LHFPL3: variants seen among roughly 807,000 people sequenced by gnomAD.
LHFPL3 encodes LHFPL tetraspan subfamily member 3 protein.
Under a neutral mutation model 19.3 loss-of-function variants are expected in LHFPL3, and 5 were observed. That is an observed-to-expected ratio of 0.26 (90% CI 0.14 to 0.54). The LOEUF (loss-of-function observed/expected upper bound fraction) is 0.54, where lower values mean the gene tolerates loss of function less well. Among genes scored for constraint, LHFPL3 ranks in the 20% least tolerant of loss-of-function variants. The pLI is 0.94. For missense variants in LHFPL3, 249 were observed against 307.4 expected (o/e 0.81, Z 1.42); for synonymous variants, 133 against 126.2 (o/e 1.05, Z -0.36).
At chr7:104,573,286 C>T (rs1319563824) in intron 1 of LHFPL3, among the ~76,000 whole-genome samples, 4 of 151,644 alleles carry the variant, frequency 2.6e-5, no homozygotes, top group Admixed American at 2.6e-4. Flanking sequence ...GTGGCGGGCA[C>T]CTGTAATCCT....
intron 1 of LHFPL3, among the ~76,000 whole-genome samples, chr7:104,680,463 A>C (rs1413700288): frequency 6.6e-6 from 1 of 152,172 alleles, no homozygotes; most frequent in Non-Finnish European, 1.5e-5. Flanking sequence ...TGACATGAGC[A>C]AGTGCTCTGA....
intron 1 of LHFPL3, among the ~76,000 whole-genome samples, chr7:104,391,587 G>A (rs1791069809): frequency 6.6e-6 from 1 of 152,168 alleles, no homozygotes; most frequent in Non-Finnish European, 1.5e-5. Flanking sequence ...GGTTACTGTA[G>A]CCTTGTAGTA....
intron 1 of LHFPL3, among the ~76,000 whole-genome samples, chr7:104,421,291 A>G (rs73712126): frequency 0.11 from 16,205 of 152,232 alleles, 1,017 homozygotes; most frequent in East Asian, 0.26. Context: ...AAAAAAAGAC[A>G]AGGTATAGGC....
rs190534171 is a variant in LHFPL3, at chr7:104,396,927, A to G, written c.445+67703A>G. 1.5e-3 allele frequency among the ~76,000 whole-genome samples: 230 copies of G among 152,288 alleles called. 1 individual carries two copies. In the South Asian group the frequency reaches 0.016, roughly 10 times the overall value. On this transcript the variant is annotated intron_variant, in intron 1 of 2. Transcript: ENST00000424859. The stretch of plus-strand genomic sequence containing the variant: ...TGAGGTTGCAGTGAGCCGAGATCGC[A>G]ACATTGCACTCCAGCCTTGGGCAAC...
intron 2 of LHFPL3, among the ~76,000 whole-genome samples, chr7:104,885,798 A>G (rs35362363): frequency 0.091 from 13,784 of 151,890 alleles, 878 homozygotes; most frequent in Non-Finnish European, 0.13. Context: ...CCACCCTTCA[A>G]TAATGTCCCA....
intron 1 of LHFPL3, among the ~76,000 whole-genome samples, chr7:104,553,184 C>G (rs950654393): frequency 1.3e-5 from 2 of 152,068 alleles, no homozygotes; most frequent in Non-Finnish European, 2.9e-5. Flanking sequence ...TGCAGATCTG[C>G]TTTTATAGAT....
intron 1 of LHFPL3, among the ~76,000 whole-genome samples, chr7:104,351,918 G>A (rs1790181779): frequency 6.6e-6 from 1 of 152,076 alleles, no homozygotes. Context: ...ATACAACTAG[G>A]CCAGGGGCAG....
At chr7:104,465,772 A>G (rs1402013421) in intron 1 of LHFPL3, among the ~76,000 whole-genome samples, 4 of 152,188 alleles carry the variant, frequency 2.6e-5, no homozygotes, top group Non-Finnish European at 5.9e-5. Flanking sequence ...ACAATTCAAG[A>G]TGAGATTTGG....
chr7:104,870,279 G>A (rs1269392992), intron 2 of LHFPL3, among the ~76,000 whole-genome samples: 2 of 152,094 alleles, frequency 1.3e-5, no homozygotes, highest in African/African-American at 4.8e-5. Flanking sequence ...AGACAGCATT[G>A]AATACCAAGA....
At chr7:104,523,171 T>C (rs1206411054) in intron 1 of LHFPL3, among the ~76,000 whole-genome samples, 1 of 152,152 alleles carries the variant, frequency 6.6e-6, no homozygotes, top group Non-Finnish European at 1.5e-5. Flanking sequence ...TGGTCCTGGT[T>C]AATAGCATCT....
At chr7:104,808,708 G>A (rs899136468) in intron 2 of LHFPL3, among the ~76,000 whole-genome samples, 5 of 152,082 alleles carry the variant, frequency 3.3e-5, no homozygotes, top group East Asian at 3.8e-4. Flanking sequence ...TACACACAAC[G>A]CAAGCCAATG....
intron 1 of LHFPL3, among the ~76,000 whole-genome samples, chr7:104,485,833 TC>T (rs1168455873): frequency 6.6e-6 from 1 of 152,186 alleles, no homozygotes; most frequent in African/African-American, 2.4e-5. Flanking sequence ...GTCCATGTGT[TC>T]TTGTTGTTCA....
chr7:104,649,760 G>A (rs1791996398), intron 1 of LHFPL3, among the ~76,000 whole-genome samples: 1 of 152,216 alleles, frequency 6.6e-6, no homozygotes, highest in Non-Finnish European at 1.5e-5. Context: ...AGCAGGAGTA[G>A]GGAAGTATCT....
At position 104,519,667 on chromosome 7, in the gene LHFPL3, T is replaced by TA. The variant is rs1167330855; in HGVS notation, c.445+190449dup. 2.0e-5 allele frequency among the ~76,000 whole-genome samples: 3 copies of TA among 152,134 alleles called. No homozygotes were observed. In the East Asian group the frequency reaches 5.8e-4, roughly 29 times the overall value. ...AACATTTTTATTCTTTTTCCCATTA[T>TA]AAAAAATCTGCTGAACAGGACCAGG... On this transcript the variant is annotated intron_variant, in intron 1 of 2. Transcript: ENST00000424859.
At chr7:104,803,870 C>T (rs138028184) in intron 2 of LHFPL3, 7 of 152,196 alleles carry the variant, frequency 4.6e-5, no homozygotes, top group Non-Finnish European at 2.9e-5. Flanking sequence ...TGGTATTGCA[C>T]TATATCCAAT....
intron 1 of LHFPL3, among the ~76,000 whole-genome samples, chr7:104,374,895 G>C (rs997163738): frequency 6.6e-6 from 1 of 152,218 alleles, no homozygotes; most frequent in African/African-American, 2.4e-5. Context: ...TGAATGTTTA[G>C]TGAAGTAGTA....
At chr7:104,788,376 T>A (rs934411489) in intron 2 of LHFPL3, among the ~76,000 whole-genome samples, 2 of 152,238 alleles carry the variant, frequency 1.3e-5, no homozygotes, top group Non-Finnish European at 2.9e-5. Flanking sequence ...CCTCTCAGAC[T>A]GACTCCTCTG....
chr7:104,589,183 T>C (rs1335422382), intron 1 of LHFPL3, among the ~76,000 whole-genome samples: 1 of 152,160 alleles, frequency 6.6e-6, no homozygotes, highest in Admixed American at 6.6e-5. Flanking sequence ...CATCCCTGTC[T>C]TGTGCCAGTT....
chr7:104,564,806 C>A (rs1322006236), intron 1 of LHFPL3, among the ~76,000 whole-genome samples: 1 of 152,154 alleles, frequency 6.6e-6, no homozygotes, highest in Non-Finnish European at 1.5e-5. Flanking sequence ...TCCAGAACAC[C>A]CATCTGGGCT....
Sources: gnomAD v4.1 joint callset for allele counts (sites outside exome capture counted in the v4.1 genomes callset) on GRCh38, gnomAD v4.1.1 for gene constraint, MANE v1.5 for transcripts, NCBI Gene and HGNC (gene_info 2026-07-23, HGNC 2026-07-21) for gene names.